The following OPCML variants were observed in gnomAD, a reference collection of about 807,000 sequenced individuals.
OPCML encodes the protein opioid-binding protein/cell adhesion molecule.
A neutral mutation model predicts 37.8 loss-of-function variants in OPCML; 13 were observed. The ratio of observed to expected loss-of-function variants is 0.34; its 90% CI spans 0.22 to 0.55. The LOEUF (loss-of-function observed/expected upper bound fraction) is 0.55, where lower values mean the gene tolerates loss of function less well. Among genes scored for constraint, OPCML ranks in the 20% least tolerant of loss-of-function variants. The probability of loss-of-function intolerance (pLI) is 0.91; values close to 1 mark genes in which losing one functional copy is unlikely to be tolerated. For missense variants in OPCML, 341 were observed against 435.6 expected, an observed-to-expected ratio of 0.78 and a Z score of 1.93; for synonymous variants, 176 against 168.8, an observed-to-expected ratio of 1.04 and a Z score of -0.33.
At chr11:132,481,080 T>C (rs1469179542) in intron 4 of OPCML, among the ~76,000 whole-genome samples, 2 of 152,164 alleles carry the variant, frequency 1.3e-5, no homozygotes, top group Non-Finnish European at 2.9e-5. Context: ...CAATATTAAC[T>C]TTAAATGTAA....
intron 1 of OPCML, among the ~76,000 whole-genome samples, chr11:133,260,979 C>T (rs1248089418): frequency 6.6e-6 from 1 of 152,150 alleles, no homozygotes; most frequent in Non-Finnish European, 1.5e-5. Flanking sequence ...TCTGGCATCT[C>T]CGAAGTGCAG....
chr11:133,357,332 C>A (rs1039050434), intron 1 of OPCML, among the ~76,000 whole-genome samples: 1 of 152,198 alleles, frequency 6.6e-6, no homozygotes, highest in Non-Finnish European at 1.5e-5. Flanking sequence ...TAGTTAATAA[C>A]CCATGTCTCC....
At chr11:132,779,118 C>T (rs1249411698) in intron 2 of OPCML, among the ~76,000 whole-genome samples, 5 of 151,866 alleles carry the variant, frequency 3.3e-5, no homozygotes, top group African/African-American at 9.7e-5. Context: ...CAGGCACCTG[C>T]CACCAGCCCC....
chr11:132,663,613 T>C (rs547339087), intron 2 of OPCML, among the ~76,000 whole-genome samples: 123 of 152,196 alleles, frequency 8.1e-4, no homozygotes, highest in African/African-American at 2.7e-3. Flanking sequence ...AATACAGAGG[T>C]GACTGGCTTT....
chr11:132,753,207 T>C (rs1396065657), intron 2 of OPCML, among the ~76,000 whole-genome samples: 1 of 152,134 alleles, frequency 6.6e-6, no homozygotes, highest in Non-Finnish European at 1.5e-5. Flanking sequence ...CAGTCTATCT[T>C]AGAGACCCTA....
intron 1 of OPCML, chr11:133,005,623 T>C: frequency 4.1e-6 from 4 of 983,762 alleles, no homozygotes; most frequent in Non-Finnish European, 4.8e-6. Context: ...CACACCGCCC[T>C]TTCTGATGGC....
intron 2 of OPCML, among the ~76,000 whole-genome samples, chr11:132,935,182 G>C (rs1945330518): frequency 6.6e-6 from 1 of 150,814 alleles, no homozygotes; most frequent in Non-Finnish European, 1.5e-5. Context: ...ATTAAATTTG[G>C]CTCAATAGAA....
intron 2 of OPCML, among the ~76,000 whole-genome samples, chr11:132,831,205 G>A (rs117662669): frequency 0.016 from 2,497 of 152,120 alleles, 29 homozygotes; most frequent in Middle Eastern, 0.041. Flanking sequence ...AATACAAGAG[G>A]AAATTTCAAA....
At chr11:133,057,402 T>C (rs938180686) in intron 1 of OPCML, among the ~76,000 whole-genome samples, 1 of 152,186 alleles carries the variant, frequency 6.6e-6, no homozygotes, top group Non-Finnish European at 1.5e-5. Context: ...CTTCGACTGA[T>C]TGCCCAGTTC....
chr11:133,111,277 G>C (rs1044786759), intron 1 of OPCML, among the ~76,000 whole-genome samples: 12 of 152,258 alleles, frequency 7.9e-5, no homozygotes, highest in East Asian at 1.9e-4. Flanking sequence ...CCACTGGCAC[G>C]GTAGCTAGTT....
intron 1 of OPCML, among the ~76,000 whole-genome samples, chr11:133,342,984 C>A (rs780074549): frequency 1.3e-5 from 2 of 152,122 alleles, no homozygotes; most frequent in African/African-American, 2.4e-5. Flanking sequence ...CTCGCTGCAA[C>A]CTTTGAACAT....
chr11:133,167,566 T>TC (rs577477795), intron 1 of OPCML, among the ~76,000 whole-genome samples: 127 of 151,848 alleles, frequency 8.4e-4, no homozygotes, highest in Non-Finnish European at 1.3e-3. Context: ...CTCAAGTTTT[T>TC]CCATTCCTAA....
At chr11:133,518,409 ATG>A (rs1299442268) in intron 1 of OPCML, among the ~76,000 whole-genome samples, 1 of 150,944 alleles carries the variant, frequency 6.6e-6, no homozygotes, top group Non-Finnish European at 1.5e-5. Context: ...GTGCATAGGG[ATG>A]TGCATGGATG....
intron 4 of OPCML, among the ~76,000 whole-genome samples, chr11:132,472,281 G>A (rs2096140432): frequency 6.6e-6 from 1 of 152,128 alleles, no homozygotes; most frequent in African/African-American, 2.4e-5. Context: ...ATTTGTCTCT[G>A]TATCACCAGA....
intron 2 of OPCML, among the ~76,000 whole-genome samples, chr11:132,746,590 G>GT (rs1945643917): frequency 6.6e-6 from 1 of 152,028 alleles, no homozygotes; most frequent in Non-Finnish European, 1.5e-5. Flanking sequence ...CCACGAGACA[G>GT]TCAGAGGTCG....
intron 3 of OPCML, among the ~76,000 whole-genome samples, chr11:132,640,191 C>T (rs929498664): frequency 2.6e-5 from 4 of 152,108 alleles, no homozygotes; most frequent in African/African-American, 7.2e-5. Context: ...ATGCATATCC[C>T]GGAGCCTGAG....
At chr11:133,334,157 A>C (rs1943688480) in intron 1 of OPCML, among the ~76,000 whole-genome samples, 1 of 152,246 alleles carries the variant, frequency 6.6e-6, no homozygotes, top group African/African-American at 2.4e-5. Flanking sequence ...TACCCAGAGG[A>C]ATATAAAGCA....
chr11:133,232,982 C>T (rs923066051), intron 1 of OPCML, among the ~76,000 whole-genome samples: 1 of 152,168 alleles, frequency 6.6e-6, no homozygotes, highest in African/African-American at 2.4e-5. Context: ...CTAAATAACA[C>T]CTGCTTCCAC....
intron 4 of OPCML, among the ~76,000 whole-genome samples, chr11:132,528,809 G>A (rs2096315596): frequency 6.6e-6 from 1 of 152,128 alleles, no homozygotes; most frequent in Non-Finnish European, 1.5e-5. Flanking sequence ...TTATTCTTAT[G>A]TCCTTTGTTC....
Sources: allele counts gnomAD v4.1 joint callset (sites outside exome capture counted in the v4.1 genomes callset), GRCh38; gene constraint gnomAD v4.1.1; transcripts MANE v1.5; gene names NCBI Gene and HGNC (gene_info 2026-07-23, HGNC 2026-07-21).